Variants in EIF3D observed in about 807,000 individuals in gnomAD.
EIF3D encodes the protein eukaryotic translation initiation factor 3 subunit D.
A neutral mutation model predicts 75.4 loss-of-function variants in EIF3D; 10 were observed. The ratio of observed to expected loss-of-function variants is 0.13; its 90% CI spans 0.08 to 0.22. The LOEUF (loss-of-function observed/expected upper bound fraction) is 0.22. Among genes scored for constraint, EIF3D ranks in the 10% least tolerant of loss-of-function variants. EIF3D has a pLI of 1.00. For synonymous variants in EIF3D, 246 were observed against 248.3 expected (o/e 0.99, Z 0.09); for missense variants, 394 against 708.0 (o/e 0.56, Z 5.03).
intron 12 of EIF3D, among the ~76,000 whole-genome samples, chr22:36,513,182 G>A (rs759174685): frequency 3.9e-5 from 6 of 152,184 alleles, no homozygotes; most frequent in Non-Finnish European, 7.4e-5. Context: ...ATTTGTAGAC[G>A]TGGGAAGTTG....
chr22:36,519,491 T>C lies in EIF3D; in HGVS notation c.625A>G (p.Ile209Val), dbSNP rs1294319332. 1 of 1,614,070 alleles carries C rather than the reference T, an allele frequency of 6.2e-7. No homozygotes were observed. Among genetic ancestry groups the C allele is most frequent in the African/African-American group, 1.3e-5 (1 of 74,918 alleles). Residue 209 changes from isoleucine (I) to valine (V), a missense_variant, in exon 8 of 15, where the codon ATC becomes GTC. By Grantham distance (29) the Ile-to-Val change is conservative. Coordinates refer to ENST00000216190, the MANE Select transcript of EIF3D (RefSeq NM_003753.4). The stretch of plus-strand genomic sequence containing the variant: ...AGTGGCTTCTCACTCCTCGTGGTGA[T>C]GCGGTCAAAGGCTTTGTCGTAGTAT... The part of the protein sequence containing the change: ...LEYYDKAFDR[I>V]TTRSEKPLRS...
chr22:36,517,412 C>T lies in EIF3D; in HGVS notation c.879G>A (p.Glu293=). The change falls in exon 10 of 15, where the codon GAG becomes GAA. Residue 293 remains glutamate (E), a synonymous_variant. Coordinates refer to ENST00000216190, the MANE Select transcript of EIF3D (RefSeq NM_003753.4). ...NSDFDLLTVS[E]TANEPPQDEG... is the part of the protein sequence containing the mutation. The stretch of plus-strand genomic sequence containing the variant: ...CATCTTGAGGGGGCTCATTGGCAGT[C>T]TCACTCACTGTCAGGAGGTCTGCAA... 1 of 1,613,034 alleles carries T rather than the reference C, an allele frequency of 6.2e-7. No homozygotes were observed. Among genetic ancestry groups the T allele is most frequent in the Non-Finnish European group, 8.5e-7 (1 of 1,179,616 alleles).
At chr22:36,511,841 A>G (rs1934342672) in intron 13 of EIF3D, 55 bp from the exon 14 acceptor site, 4 of 1,579,942 alleles carry the variant, frequency 2.5e-6, no homozygotes, top group Non-Finnish European at 8.6e-7. Context: ...AGACAGCAAC[A>G]CTTGGGATCA....
At chr22:36,514,080 A>G (rs1053986871) in intron 12 of EIF3D, among the ~76,000 whole-genome samples, 1 of 144,532 alleles carries the variant, frequency 6.9e-6, no homozygotes, top group Non-Finnish European at 1.5e-5. Context: ...CTATTTTGCT[A>G]ACAGCAAAAC....
intron 9 of EIF3D, among the ~76,000 whole-genome samples, chr22:36,517,976 T>C (rs1050182018): frequency 6.6e-6 from 1 of 152,074 alleles, no homozygotes; most frequent in African/African-American, 2.4e-5. Context: ...CTCGATCTCC[T>C]GATGTCAAGT....
intron 12 of EIF3D, among the ~76,000 whole-genome samples, chr22:36,515,386 G>C (rs942595772): frequency 1.3e-5 from 2 of 152,108 alleles, no homozygotes; most frequent in African/African-American, 4.8e-5. Context: ...AAATTAGCTG[G>C]GTGTGGTGGT....
rs762437281 is a variant in EIF3D at position 36,511,768 on chromosome 22, G to A, written c.1368C>T (p.His456=). The change falls in exon 14 of 15, where the codon CAC becomes CAT. Residue 456 remains histidine (H), a synonymous_variant. Coordinates refer to ENST00000216190, the MANE Select transcript of EIF3D (RefSeq NM_003753.4). ...YLKLGYVSRY[H]VKDSSRHVIL... is the part of the protein sequence containing the mutation. Reference sequence around the variant, plus strand: ...TGACGTGGCGTGAGGAGTCTTTCACGTGGTACCGAGACACATAACTAACAG... The same window carrying A: ...TGACGTGGCGTGAGGAGTCTTTCACATGGTACCGAGACACATAACTAACAG... 8.7e-6 allele frequency: 14 copies of A among 1,613,452 alleles called. No homozygotes were observed. The highest frequency in any genetic ancestry group is 5.5e-5 in the South Asian group (5 of 91,062).
At chr22:36,511,149 G>A (rs1159222625) in intron 14 of EIF3D, 149 bp from the exon 15 acceptor site, 3 of 1,030,344 alleles carry the variant, frequency 2.9e-6, no homozygotes, top group South Asian at 1.8e-5. Context: ...GGCTGGGCAG[G>A]TATTTCCTTC....
At chr22:36,518,082 T>C (rs769261948) in intron 9 of EIF3D, among the ~76,000 whole-genome samples, 3 of 152,102 alleles carry the variant, frequency 2.0e-5, no homozygotes, top group African/African-American at 4.8e-5. Flanking sequence ...ATGGTTTTCC[T>C]TTATGGTGTA....
intron 10 of EIF3D, 102 bp from the exon 11 acceptor site, chr22:36,516,892 G>C (rs1934436608): frequency 9.0e-7 from 1 of 1,115,668 alleles, no homozygotes; most frequent in Non-Finnish European, 1.4e-6. Context: ...CCCTGGCCAG[G>C]TTCCTGGGGC....
intron 12 of EIF3D, among the ~76,000 whole-genome samples, chr22:36,515,699 G>A (rs1271306522): frequency 2.0e-5 from 3 of 152,130 alleles, no homozygotes; most frequent in Non-Finnish European, 4.4e-5. Context: ...AAAAGGAGGG[G>A]AGCCAGCAAA....
chr22:36,514,724 A>G (rs559678451), intron 12 of EIF3D, among the ~76,000 whole-genome samples: 3 of 152,310 alleles, frequency 2.0e-5, no homozygotes, highest in African/African-American at 7.2e-5. Context: ...TTTACCCACA[A>G]TAAGAATGGG....
At chr22:36,514,005 T>C (rs1186398328) in intron 12 of EIF3D, among the ~76,000 whole-genome samples, 1 of 152,036 alleles carries the variant, frequency 6.6e-6, no homozygotes, top group Non-Finnish European at 1.5e-5. Context: ...CATGATGAAA[T>C]GGGGCCCTGA....
rs1934427088 is a variant in EIF3D at position 36,516,388 on chromosome 22, AAC to A, written c.1206+88_1206+89del. The A allele has an allele frequency of 2.0e-6, 3 of 1,487,656 alleles. No individual in the cohort carries two copies. The South Asian group carries it at 3.9e-5, about 19-fold the overall frequency. The allele number at this position is 1,487,656 out of a possible 1,614,324, so 92.2% of individuals were successfully genotyped here. Reference sequence around the variant, plus strand: ...CTATAAGTAACGAAAGGGGATAAGAAACAGTTTATACAACCTAGCCTGCGTAA... The same window carrying A: ...CTATAAGTAACGAAAGGGGATAAGAAAGTTTATACAACCTAGCCTGCGTAA... On this transcript the variant is annotated intron_variant, in intron 12 of 14. Coordinates refer to ENST00000216190, the MANE Select transcript of EIF3D (RefSeq NM_003753.4).
At chr22:36,524,047 T>A in intron 4 of EIF3D, 67 bp from the exon 5 acceptor site, 1 of 1,506,804 alleles carries the variant, frequency 6.6e-7, no homozygotes, top group Non-Finnish European at 9.2e-7. Flanking sequence ...GCAGAACAAG[T>A]GGGAGGTCTT....
intron 12 of EIF3D, among the ~76,000 whole-genome samples, chr22:36,514,735 C>T (rs935414677): frequency 6.6e-6 from 1 of 152,136 alleles, no homozygotes; most frequent in Non-Finnish European, 1.5e-5. Context: ...TAAGAATGGG[C>T]TTGGAAGTGG....
Position 36,511,652 on chromosome 22 carries a change from A to G in EIF3D, c.1484T>C (p.Ile495Thr), listed in dbSNP as rs767915293. The G allele has an allele frequency of 4.3e-6, 7 of 1,614,122 alleles. No homozygotes were observed. In the Admixed American group the frequency reaches 6.7e-5, roughly 15 times the overall value. The change falls in exon 14 of 15, where the codon ATT becomes ACT. Residue 495 changes from isoleucine (I) to threonine (T), a missense_variant. By Grantham distance (89) the Ile-to-Thr change is moderately conservative. Coordinates refer to ENST00000216190, the MANE Select transcript of EIF3D (RefSeq NM_003753.4). ...CTCCTCCAGCTTCATGCAGATGTCA[A>G]TGACGCAGCGTAAAATGCCCCAGGC... ...ENAWGILRCVIDICMKLEEGK... is the reference protein window; with the variant it reads ...ENAWGILRCVTDICMKLEEGK...
At chr22:36,511,434 G>A (rs1314919857) in intron 14 of EIF3D, 69 bp downstream of exon 14, 2 of 1,582,406 alleles carry the variant, frequency 1.3e-6, no homozygotes, top group East Asian at 2.3e-5. Flanking sequence ...AGATCACAAT[G>A]GCTACAGAGC....
chr22:36,523,325 G>C, intron 5 of EIF3D, 44 bp from the exon 6 acceptor site: 1 of 1,510,714 alleles, frequency 6.6e-7, no homozygotes, highest in Non-Finnish European at 9.1e-7. Context: ...CTTTAAACCA[G>C]TGGCTTCTTC....
Sources: gnomAD v4.1 joint callset for allele counts (sites outside exome capture counted in the v4.1 genomes callset) on GRCh38, gnomAD v4.1.1 for gene constraint, MANE v1.5 for transcripts, NCBI Gene and HGNC (gene_info 2026-07-23, HGNC 2026-07-21) for gene names.